Variants in CEACAM16 observed in about 807,000 individuals in gnomAD.
The protein encoded by CEACAM16 is cell adhesion molecule CEACAM16.
CEACAM16 carries 30 observed loss-of-function variants against 39.4 expected under a neutral mutation model. That is an observed-to-expected ratio of 0.76 (90% confidence interval 0.57 to 1.03). CEACAM16 has a LOEUF of 1.03. Ranked by LOEUF, CEACAM16 falls within the 50% of genes least tolerant of loss-of-function variation. The probability of loss-of-function intolerance (pLI) is 0.00; values close to 1 mark genes in which losing one functional copy is unlikely to be tolerated. For missense variants in CEACAM16, 521 were observed against 585.3 expected, an observed-to-expected ratio of 0.89 and a Z score of 1.13; for synonymous variants, 262 against 264.9, an observed-to-expected ratio of 0.99 and a Z score of 0.11.
At chr19:44,709,568 TCCA>T (rs1974506004) in intron 6 of CEACAM16, among the ~76,000 whole-genome samples, 2 of 137,558 alleles carry the variant, frequency 1.5e-5, no homozygotes, top group African/African-American at 2.9e-5. Context: ...CTATGTCTCC[TCCA>T]TCAGACCGGG....
intron 3 of CEACAM16, 62 bp downstream of exon 3, chr19:44,703,755 C>G: frequency 7.9e-7 from 1 of 1,266,708 alleles, no homozygotes; most frequent in African/African-American, 1.6e-5. Context: ...CTTCTCAATC[C>G]TTCTTTTTTT....
intron 3 of CEACAM16, 28 bp downstream of exon 3, chr19:44,703,721 G>A: frequency 7.0e-7 from 1 of 1,436,292 alleles, no homozygotes; most frequent in East Asian, 2.5e-5. Context: ...ACCCGCCTCT[G>A]CCCCAGCTGG....
chr19:44,709,234 C>T (rs887455006), intron 6 of CEACAM16, among the ~76,000 whole-genome samples: 2 of 151,036 alleles, frequency 1.3e-5, no homozygotes, highest in Non-Finnish European at 3.0e-5. Flanking sequence ...ATGTCTCCCT[C>T]GTCAGACTGG....
Position 44,704,245 on chromosome 19 carries a change from T to C in CEACAM16, c.610T>C (p.Trp204Arg). Reference sequence around the variant, plus strand: ...GGCCGGCGCCTATCAGTGTGAGGTGTGGAACCCGGTCAGTGTCAGCCGCAG... The same window carrying C: ...GGCCGGCGCCTATCAGTGTGAGGTGCGGAACCCGGTCAGTGTCAGCCGCAG... Reference protein sequence around the residue: ...EEAGAYQCEVWNPVSVSRSEP... With the variant: ...EEAGAYQCEVRNPVSVSRSEP... Residue 204 changes from tryptophan (W) to arginine (R), a missense_variant, in exon 4 of 7, where the codon TGG (tryptophan) becomes CGG (arginine). Physicochemically the swap from Trp to Arg is moderately radical, Grantham distance 101. Coordinates refer to ENST00000587331, the MANE Select transcript of CEACAM16 (RefSeq NM_001039213.4). 6.5e-7 allele frequency: 1 copy of C among 1,543,022 alleles called. No homozygotes were observed. Among genetic ancestry groups the C allele is most frequent in the South Asian group, 1.2e-5 (1 of 83,806 alleles).
At position 44,701,234 on chromosome 19, in the gene CEACAM16, G is replaced by C; in HGVS notation, c.-96-127G>C. ...CGGCTGCCCCAGGAGGCCTGCCCAG[G>C]TCACGGCCTCTGGCCGGTGCCCGCC... is the stretch of plus-strand genomic sequence containing the variant. On this transcript the variant is annotated intron_variant, in intron 1 of 6. Transcript: ENST00000587331. This position sits in a 1 kb window ranked among gnomAD's most constrained non-coding sequence, Gnocchi z 4.0. 1 of 631,780 alleles carries C rather than the reference G, an allele frequency of 1.6e-6. No homozygotes were observed. The highest frequency in any genetic ancestry group is 2.7e-5 in the East Asian group (1 of 36,598). 39.1% of individuals were successfully genotyped at this position (631,780 alleles called of 1,614,324 possible).
chr19:44,702,607 T>C (rs8108277), intron 2 of CEACAM16, among the ~76,000 whole-genome samples: 50,008 of 152,214 alleles, frequency 0.33, 9,330 homozygotes, highest in African/African-American at 0.49. Flanking sequence ...TTGGGGCTGA[T>C]CTGCTTGGTT....
Position 44,701,303 on chromosome 19 carries a change from C to A in CEACAM16, c.-96-58C>A. The A allele has an allele frequency of 1.2e-6, 1 of 848,724 alleles. No homozygotes were observed. The highest frequency in any genetic ancestry group is 1.9e-6 in the Non-Finnish European group (1 of 517,406). 52.6% of individuals were successfully genotyped at this position (848,724 alleles called of 1,614,324 possible). A position where few individuals can be genotyped will look rare whatever the true frequency, so the allele number is the denominator to read the frequency against. On this transcript the variant is annotated intron_variant, in intron 1 of 6. Transcript: ENST00000587331. This position sits in a 1 kb window ranked among gnomAD's most constrained non-coding sequence, Gnocchi z 4.0. ...AAACCGGGCCCCAGATCCTTGGTGA[C>A]TCGATCCCTCCAAATTCAGGTGATC...
intron 2 of CEACAM16, 67 bp from the exon 3 acceptor site, chr19:44,703,279 CTCT>C (rs922733822): frequency 8.6e-5 from 123 of 1,424,402 alleles, no homozygotes; most frequent in Middle Eastern, 1.9e-4. Flanking sequence ...GAGCCTGAGT[CTCT>C]TCTTCTGTCA....
At chr19:44,700,383 C>T (rs1400969849) in intron 1 of CEACAM16, among the ~76,000 whole-genome samples, 1 of 152,124 alleles carries the variant, frequency 6.6e-6, no homozygotes, top group African/African-American at 2.4e-5. Context: ...GGTGATCTGC[C>T]CATCTCAGCC....
intron 2 of CEACAM16, among the ~76,000 whole-genome samples, chr19:44,702,937 C>A (rs1196850118): frequency 6.6e-6 from 1 of 152,246 alleles, no homozygotes; most frequent in Non-Finnish European, 1.5e-5. Flanking sequence ...CCAATCCTCA[C>A]AACACACGCC....
In CEACAM16 at chr19:44,710,516, C is replaced by A; in HGVS notation, c.*10C>A. 6.2e-7 allele frequency: 1 copy of A among 1,613,768 alleles called. No individual in the cohort carries two copies. The highest frequency in any genetic ancestry group is 8.5e-7 in the Non-Finnish European group (1 of 1,179,720). On this transcript the variant is annotated 3_prime_UTR_variant, in exon 7 of 7. Coordinates refer to ENST00000587331, the MANE Select transcript of CEACAM16 (RefSeq NM_001039213.4). ...CACAGCCCTGGGGTAACAGCGTGAC[C>A]CTGGAGACGTCCAGAGAGAAGAGCT...
intron 3 of CEACAM16, 84 bp from the exon 4 acceptor site, chr19:44,703,934 G>C (rs1250570022): frequency 2.8e-6 from 4 of 1,431,228 alleles, no homozygotes; most frequent in Non-Finnish European, 3.7e-6. Context: ...GCCACAATCC[G>C]GCCATGCCCC....
chr19:44,703,680 C>A lies in CEACAM16; in HGVS notation c.369C>A (p.His123Gln), dbSNP rs757791182. Residue 123 changes from histidine to glutamine, a missense_variant, in exon 3 of 7, where the codon CAC becomes CAA. His to Gln is a conservative substitution (Grantham distance 24). Coordinates refer to ENST00000587331, the MANE Select transcript of CEACAM16 (RefSeq NM_001039213.4). The stretch of plus-strand genomic sequence containing the variant: ...TGCAGACCGAGGTGGGCTACGGACA[C>A]GTGCAGGTCCATGGTGAGACACCCC... Reference protein sequence around the residue: ...RQLQTEVGYGHVQVHEILAQP... With the variant: ...RQLQTEVGYGQVQVHEILAQP... 4 of 1,540,210 alleles carry A rather than the reference C, an allele frequency of 2.6e-6. No homozygotes were observed. The Admixed American group carries it at 7.5e-5, about 29-fold the overall frequency.
At chr19:44,710,397 C>T (rs1974518270) in intron 6 of CEACAM16, 99 bp from the exon 7 acceptor site, 11 of 1,327,298 alleles carry the variant, frequency 8.3e-6, no homozygotes, top group Middle Eastern at 2.1e-4. Context: ...CTGGGTGGCC[C>T]GGGGTGGGCA....
At position 44,710,574 on chromosome 19, in the gene CEACAM16, G is replaced by A; in HGVS notation, c.*68G>A. 2 of 1,602,660 alleles carry A rather than the reference G, an allele frequency of 1.2e-6. No individual in the cohort carries two copies. Reference sequence around the variant, plus strand: ...CCATCCTCTGGTCCTCGCCCTCTGAGTGGGAACCACTCCCCCACAGCGAGG... The same window carrying A: ...CCATCCTCTGGTCCTCGCCCTCTGAATGGGAACCACTCCCCCACAGCGAGG... On this transcript the variant is annotated 3_prime_UTR_variant, in exon 7 of 7. Transcript: ENST00000587331.
At chr19:44,700,257 G>A (rs1488875668) in intron 1 of CEACAM16, among the ~76,000 whole-genome samples, 3 of 151,632 alleles carry the variant, frequency 2.0e-5, no homozygotes, top group African/African-American at 7.3e-5. Flanking sequence ...CACCTGCCTT[G>A]GCCTCCCAAA....
In CEACAM16 at chr19:44,705,540, C is replaced by T. The variant is rs775563407; in HGVS notation, c.662-50C>T. On this transcript the variant is annotated intron_variant, in intron 4 of 6. Coordinates refer to ENST00000587331, the MANE Select transcript of CEACAM16 (RefSeq NM_001039213.4). Reference sequence around the variant, plus strand: ...AGAGAAAACCAGGGGTACCAACCTCCACTCCTCCTTCCCTCTACTGCCCCA... The same window carrying T: ...AGAGAAAACCAGGGGTACCAACCTCTACTCCTCCTTCCCTCTACTGCCCCA... The T allele has an allele frequency of 2.0e-6, 3 of 1,536,192 alleles. 1 individual carries two copies. In the South Asian group the frequency reaches 3.8e-5, roughly 19 times the overall value.
chr19:44,702,859 C>T (rs1293623446), intron 2 of CEACAM16, among the ~76,000 whole-genome samples: 1 of 152,232 alleles, frequency 6.6e-6, no homozygotes, highest in Non-Finnish European at 1.5e-5. Context: ...GTCCTGTGGG[C>T]CGAGCACTTG....
intron 2 of CEACAM16, among the ~76,000 whole-genome samples, chr19:44,702,620 G>A (rs148258219): frequency 0.013 from 1,939 of 152,388 alleles, 23 homozygotes; most frequent in Non-Finnish European, 0.019. Context: ...GCTTGGTTGA[G>A]AAGGAAAGGG....
Sources: allele counts gnomAD v4.1 joint callset (sites outside exome capture counted in the v4.1 genomes callset), GRCh38; gene constraint gnomAD v4.1.1; non-coding constraint Gnocchi (gnomAD v3.1); transcripts MANE v1.5; gene names NCBI Gene and HGNC (gene_info 2026-07-23, HGNC 2026-07-21).